Variants in RPA1 observed in about 807,000 individuals in gnomAD.
RPA1 encodes the protein replication protein A 70 kDa DNA-binding subunit.
RPA1 carries 49 observed loss-of-function variants against 83.0 expected under a neutral mutation model. That is an observed-to-expected ratio of 0.59 (90% CI 0.47 to 0.75). The LOEUF (loss-of-function observed/expected upper bound fraction) is 0.75. Ranked by LOEUF, RPA1 falls within the 30% of genes least tolerant of loss-of-function variation. The probability of loss-of-function intolerance (pLI) is 0.00; values close to 1 mark genes in which losing one functional copy is unlikely to be tolerated. For missense variants in RPA1, 693 were observed against 776.1 expected (o/e 0.89, Z 1.27); for synonymous variants, 279 against 281.8 (o/e 0.99, Z 0.10).
intron 5 of RPA1, among the ~76,000 whole-genome samples, chr17:1,867,474 A>G (rs1199330876): frequency 6.6e-6 from 1 of 152,122 alleles, no homozygotes; most frequent in Non-Finnish European, 1.5e-5. Flanking sequence ...TGGGAGGCTG[A>G]GGCAGGAGGA....
chr17:1,894,876 G>A (rs1230570605), intron 15 of RPA1, 133 bp from the exon 16 acceptor site: 1 of 647,292 alleles, frequency 1.5e-6, no homozygotes, highest in Non-Finnish European at 2.8e-6. Context: ...AATGTTACCT[G>A]TAGATGAGTC....
At chr17:1,833,775 A>G in intron 1 of RPA1, among the ~76,000 whole-genome samples, 1 of 151,844 alleles carries the variant, frequency 6.6e-6, no homozygotes, top group African/African-American at 2.4e-5. Flanking sequence ...AATCTCTTGA[A>G]CCCGGGAGAT....
intron 5 of RPA1, among the ~76,000 whole-genome samples, chr17:1,864,728 G>A (rs755868689): frequency 6.6e-6 from 1 of 151,338 alleles, no homozygotes; most frequent in Non-Finnish European, 1.5e-5. Context: ...GTGAAACGCC[G>A]TCTCTACTAA....
intron 4 of RPA1, among the ~76,000 whole-genome samples, chr17:1,847,763 G>A (rs1912314417): frequency 6.6e-6 from 1 of 152,154 alleles, no homozygotes; most frequent in African/African-American, 2.4e-5. Context: ...GCTCAGGCCT[G>A]TAATCCCAGC....
chr17:1,884,068 C>A lies in RPA1; in HGVS notation c.1374+124C>A, dbSNP rs567826537. 5.3e-6 allele frequency: 7 copies of A among 1,324,408 alleles called. No individual in the cohort carries two copies. In the East Asian group the frequency reaches 1.7e-4, roughly 32 times the overall value. The allele number at this position is 1,324,408 out of a possible 1,614,324, so 82.0% of individuals were successfully genotyped here. A position where few individuals can be genotyped will look rare whatever the true frequency, so the allele number is the denominator to read the frequency against. On this transcript the variant is annotated intron_variant, in intron 13 of 16. Transcript: ENST00000254719. This position sits in a 1 kb window ranked among gnomAD's most constrained non-coding sequence, Gnocchi z 4.1. Reference sequence around the variant, plus strand: ...TTCTTACCCGGGGCTGTGACCTGAGCGTGGCATGGGGGTTGAGAATCACTG... The same window carrying A: ...TTCTTACCCGGGGCTGTGACCTGAGAGTGGCATGGGGGTTGAGAATCACTG...
chr17:1,894,323 T>C (rs529419033), intron 15 of RPA1, among the ~76,000 whole-genome samples: 43 of 152,204 alleles, frequency 2.8e-4, no homozygotes, highest in African/African-American at 1.0e-3. Flanking sequence ...CCTGCCACTA[T>C]GCCCAGCTAA....
chr17:1,859,605 C>T (rs191353002), intron 5 of RPA1, among the ~76,000 whole-genome samples: 5 of 152,198 alleles, frequency 3.3e-5, no homozygotes, highest in Non-Finnish European at 5.9e-5. Context: ...ATTAGCATAG[C>T]CACTTTGGCG....
rs17338670 is a variant in RPA1 at position 1,853,244 on chromosome 17, C to G, written c.361+55C>G. 1.1e-5 allele frequency: 15 copies of G among 1,310,284 alleles called. No individual in the cohort carries two copies. In the South Asian group the frequency reaches 1.8e-4, roughly 16 times the overall value. 81.2% of individuals were successfully genotyped at this position (1,310,284 alleles called of 1,614,324 possible). ...TCAAATGAATACCTCTTTATATATT[C>G]GGAGTTCTACCTTTTGGATTCAGTT... On this transcript the variant is annotated intron_variant, in intron 5 of 16. Coordinates refer to ENST00000254719, the MANE Select transcript of RPA1 (RefSeq NM_002945.5).
chr17:1,870,195 G>A lies in RPA1; in HGVS notation c.362-2239G>A, dbSNP rs1475591057. Among the ~76,000 whole-genome samples, 4 of 152,252 alleles carry A rather than the reference G, an allele frequency of 2.6e-5. No individual in the cohort carries two copies. In the East Asian group the frequency reaches 7.7e-4, roughly 29 times the overall value. ...GCTGGCAGGCACTGTAGCAATGCAC[G>A]TACCTGCACTCTCCTGAATGCAGTA... On this transcript the variant is annotated intron_variant, in intron 5 of 16. Transcript: ENST00000254719.
chr17:1,837,605 G>A (rs1020990571), intron 1 of RPA1, among the ~76,000 whole-genome samples: 2 of 152,142 alleles, frequency 1.3e-5, no homozygotes, highest in Non-Finnish European at 2.9e-5. Context: ...ATCAGTCTTT[G>A]ATTTCGAGTA....
chr17:1,866,259 T>A (rs72808005), intron 5 of RPA1, among the ~76,000 whole-genome samples: 34,142 of 151,554 alleles, frequency 0.23, 3,935 homozygotes, highest in Admixed American at 0.25. Context: ...AACAAAAAAA[T>A]TTTTTTTTGG....
At chr17:1,869,812 A>C (rs1913312961) in intron 5 of RPA1, among the ~76,000 whole-genome samples, 1 of 152,142 alleles carries the variant, frequency 6.6e-6, no homozygotes. Context: ...GCACTGCAAC[A>C]TGTTGCTATG....
At chr17:1,860,813 C>T (rs1184016356) in intron 5 of RPA1, among the ~76,000 whole-genome samples, 4 of 152,142 alleles carry the variant, frequency 2.6e-5, no homozygotes, top group Non-Finnish European at 1.5e-5. Context: ...TCGTTGGGTG[C>T]TAGAAACTTT....
chr17:1,888,579 AC>A (rs1914081178), intron 13 of RPA1, 95 bp from the exon 14 acceptor site: 17 of 1,202,130 alleles, frequency 1.4e-5, no homozygotes, highest in Non-Finnish European at 1.5e-5. Flanking sequence ...AGAAACACTT[AC>A]CACCTAAACG....
chr17:1,833,517 T>G (rs904151827), intron 1 of RPA1, among the ~76,000 whole-genome samples: 5 of 152,216 alleles, frequency 3.3e-5, no homozygotes, highest in Non-Finnish European at 7.3e-5. Flanking sequence ...ATTGTAGCTT[T>G]CATTTACTTT....
chr17:1,880,796 T>C, intron 12 of RPA1, 105 bp downstream of exon 12: 7 of 1,465,426 alleles, frequency 4.8e-6, no homozygotes, highest in Non-Finnish European at 6.5e-6. Context: ...CCTTCGTCCC[T>C]GAGTGGTGCA....
intron 5 of RPA1, among the ~76,000 whole-genome samples, chr17:1,866,514 A>C (rs2151281439): frequency 6.6e-6 from 1 of 152,194 alleles, no homozygotes; most frequent in East Asian, 1.9e-4. Flanking sequence ...ATGGGGTTTT[A>C]CCATGTTGGC....
chr17:1,897,174 G>A lies in RPA1; in HGVS notation c.1850G>A (p.Ter617=). 1 of 1,551,728 alleles carries A rather than the reference G, an allele frequency of 6.4e-7. No individual in the cohort carries two copies. Among genetic ancestry groups the A allele is most frequent in the Non-Finnish European group, 8.7e-7 (1 of 1,146,640 alleles). Residue 617 remains the stop codon, a stop_retained_variant, in exon 17 of 17, where the codon TGA becomes TAA. Coordinates refer to ENST00000254719, the MANE Select transcript of RPA1 (RefSeq NM_002945.5). ...VMSIRRSALM[*] ...AGCATCAGGAGAAGTGCATTGATGT[G>A]AGAGGAGCAGTGCCAATCGGGCAGA...
At chr17:1,830,281 A>G in intron 1 of RPA1, 155 bp downstream of exon 1, 1 of 467,910 alleles carries the variant, frequency 2.1e-6, no homozygotes, top group Non-Finnish European at 3.4e-6. Flanking sequence ...GCGTCCCTCT[A>G]GTGTCATCGC....
Sources: allele counts gnomAD v4.1 joint callset (sites outside exome capture counted in the v4.1 genomes callset), GRCh38; gene constraint gnomAD v4.1.1; non-coding constraint Gnocchi (gnomAD v3.1); transcripts MANE v1.5; gene names NCBI Gene and HGNC (gene_info 2026-07-23, HGNC 2026-07-21).